The following MYO10 variants were observed in gnomAD, a reference collection of about 807,000 sequenced individuals.
MYO10 encodes the protein unconventional myosin-X.
In MYO10, 133 loss-of-function variants were observed where a neutral mutation model predicts 257.3. The ratio of observed to expected loss-of-function variants is 0.52; its 90% confidence interval spans 0.45 to 0.60. The LOEUF (loss-of-function observed/expected upper bound fraction) is 0.60, where lower values mean the gene tolerates loss of function less well. Among genes scored for constraint, MYO10 ranks in the 20% least tolerant of loss-of-function variants. MYO10 has a pLI of 0.00. For synonymous variants in MYO10, 1,104 were observed against 1,028.6 expected (o/e 1.07, Z -1.40); for missense variants, 2,399 against 2,635.7 (o/e 0.91, Z 1.97).
intron 25 of MYO10, among the ~76,000 whole-genome samples, chr5:16,700,353 A>G (rs78116790): frequency 0.021 from 3,262 of 152,256 alleles, 128 homozygotes; most frequent in African/African-American, 0.073. Flanking sequence ...AGGAAGAAAT[A>G]AAATAAAATA....
At chr5:16,869,020 C>CTTTGTTT (rs147960914) in intron 2 of MYO10, among the ~76,000 whole-genome samples, 1 of 151,754 alleles carries the variant, frequency 6.6e-6, no homozygotes, top group East Asian at 1.9e-4. Context: ...AATCCTACTG[C>CTTTGTTT]TTTGTTTTTT....
At chr5:16,760,453 CCT>C (rs1740675149) in intron 17 of MYO10, among the ~76,000 whole-genome samples, 2 of 149,486 alleles carry the variant, frequency 1.3e-5, no homozygotes, top group African/African-American at 2.5e-5. Flanking sequence ...AGAACGAGAC[CCT>C]GTCTCCAAAA....
intron 2 of MYO10, among the ~76,000 whole-genome samples, chr5:16,821,735 G>A (rs1742823713): frequency 6.6e-6 from 1 of 151,700 alleles, no homozygotes; most frequent in African/African-American, 2.4e-5. Flanking sequence ...CAAAGTGCTG[G>A]GATTACAGGC....
At chr5:16,757,523 C>T (rs1740571196) in intron 18 of MYO10, among the ~76,000 whole-genome samples, 1 of 152,238 alleles carries the variant, frequency 6.6e-6, no homozygotes, top group African/African-American at 2.4e-5. Context: ...CCACATGAGT[C>T]TCTAAATACA....
At chr5:16,731,940 G>A (rs1739599639) in intron 19 of MYO10, among the ~76,000 whole-genome samples, 1 of 152,146 alleles carries the variant, frequency 6.6e-6, no homozygotes, top group South Asian at 2.1e-4. Context: ...ATGGAAGGCT[G>A]AGTGATAAAC....
intron 1 of MYO10, among the ~76,000 whole-genome samples, chr5:16,880,579 T>C (rs1186996911): frequency 1.3e-5 from 2 of 152,172 alleles, no homozygotes; most frequent in Non-Finnish European, 2.9e-5. Context: ...GCTATAAAGA[T>C]GGAAAATAGC....
At chr5:16,754,455 AAGAC>A (rs149371873) in intron 19 of MYO10, among the ~76,000 whole-genome samples, 118 of 152,240 alleles carry the variant, frequency 7.8e-4, no homozygotes, top group African/African-American at 2.7e-3. Context: ...GAAGGAAAGA[AAGAC>A]AAATAAAAAC....
At chr5:16,676,402 T>C (rs1338727061) in intron 33 of MYO10, among the ~76,000 whole-genome samples, 1 of 152,182 alleles carries the variant, frequency 6.6e-6, no homozygotes, top group Non-Finnish European at 1.5e-5. Context: ...TTTTCTCCCC[T>C]GGAGATTACA....
In MYO10 at chr5:16,701,471, G is replaced by A; in HGVS notation, c.2924C>T (p.Ala975Val). 6.2e-7 allele frequency: 1 copy of A among 1,613,956 alleles called. No individual in the cohort carries two copies. The change falls in exon 25 of 41, where the codon GCA becomes GTA. Residue 975 changes from alanine to valine, a missense_variant. Ala to Val is a moderately conservative substitution (Grantham distance 64, BLOSUM62 0). This residue lies in a region of MYO10 where 1,820 missense variants were observed against 1,939.4 expected (regional missense o/e 0.94). Coordinates refer to ENST00000513610, the MANE Select transcript of MYO10 (RefSeq NM_012334.3). This position sits in a 1 kb window ranked among gnomAD's most constrained non-coding sequence, Gnocchi z 8.1. ...GTTGAAGTTGGGCTTCTCCTCGCAT[G>A]CGCTCTCAGCCAGCTCGCTGGAAAA... ...SEFSSELAESACEEKPNFNFS... is the reference protein window; with the variant it reads ...SEFSSELAESVCEEKPNFNFS...
intron 2 of MYO10, among the ~76,000 whole-genome samples, chr5:16,865,447 C>G (rs1744216638): frequency 6.6e-6 from 1 of 152,132 alleles, no homozygotes; most frequent in African/African-American, 2.4e-5. Context: ...TTGTCTATTT[C>G]TTAAGAAAAG....
Position 16,711,013 on chromosome 5 carries a change from C to T in MYO10, c.2064G>A (p.Val688=). ...CAGGCAGAGCCAGATTCCTCATCAG[C>T]ACTTTATACCTGCAACGTGAAGACA... ...PFQDFYKRYK[V]LMRNLALPED... is the part of the protein sequence containing the mutation. Residue 688 remains valine, a synonymous_variant, in exon 21 of 41, where the codon GTG becomes GTA. Transcript: ENST00000513610. 1 of 1,614,006 alleles carries T rather than the reference C, an allele frequency of 6.2e-7. No homozygotes were observed. The highest frequency in any genetic ancestry group is 1.1e-5 in the South Asian group (1 of 91,066).
At chr5:16,720,701 AC>A (rs1372014374) in intron 19 of MYO10, among the ~76,000 whole-genome samples, 1 of 152,038 alleles carries the variant, frequency 6.6e-6, no homozygotes, top group East Asian at 1.9e-4. Context: ...CTTGTGATCC[AC>A]CCGCCTTGGC....
intron 3 of MYO10, chr5:16,815,358 C>T: frequency 1.5e-6 from 1 of 671,788 alleles, no homozygotes; most frequent in Non-Finnish European, 2.7e-6. Flanking sequence ...AAAATATTCC[C>T]AATGAGCATT....
At chr5:16,681,803 C>T (rs1364513879) in intron 31 of MYO10, 68 bp downstream of exon 31, 3 of 1,517,244 alleles carry the variant, frequency 2.0e-6, no homozygotes, top group East Asian at 2.3e-5. Context: ...GAAAATGCTG[C>T]AGATGTCTAT....
At chr5:16,790,317 C>G (rs1741714015) in intron 4 of MYO10, among the ~76,000 whole-genome samples, 2 of 152,078 alleles carry the variant, frequency 1.3e-5, no homozygotes, top group South Asian at 4.1e-4. Flanking sequence ...GGGTACCAGG[C>G]TGCAAAGATG....
intron 2 of MYO10, among the ~76,000 whole-genome samples, chr5:16,822,871 T>C (rs1302951523): frequency 6.6e-6 from 1 of 151,712 alleles, no homozygotes; most frequent in South Asian, 2.1e-4. Flanking sequence ...GTATTTTTAG[T>C]AGAGACGGGG....
intron 19 of MYO10, among the ~76,000 whole-genome samples, chr5:16,727,764 C>T (rs1389433740): frequency 6.6e-6 from 1 of 151,736 alleles, no homozygotes; most frequent in Non-Finnish European, 1.5e-5. Flanking sequence ...CAGCATCTTC[C>T]TTGCCTATGG....
At chr5:16,819,103 TA>T (rs754394182) in intron 2 of MYO10, among the ~76,000 whole-genome samples, 1 of 152,200 alleles carries the variant, frequency 6.6e-6, no homozygotes, top group Non-Finnish European at 1.5e-5. Context: ...CAGGAATGTT[TA>T]GAAAATCTCC....
At chr5:16,861,209 C>CA (rs1378370748) in intron 2 of MYO10, among the ~76,000 whole-genome samples, 1 of 140,228 alleles carries the variant, frequency 7.1e-6, no homozygotes, top group East Asian at 2.2e-4. Context: ...GACTAGGGAA[C>CA]ATTTTTTTTT....
Sources: gnomAD v4.1 joint callset for allele counts (sites outside exome capture counted in the v4.1 genomes callset) on GRCh38, gnomAD v4.1.1 for gene constraint, gnomAD v4.1.1 regional missense constraint, Gnocchi (gnomAD v3.1) non-coding constraint, MANE v1.5 for transcripts, NCBI Gene and HGNC (gene_info 2026-07-23, HGNC 2026-07-21) for gene names.